Variants in SLC8A1 observed in about 807,000 individuals in gnomAD.
SLC8A1 encodes the protein sodium/calcium exchanger 1.
Under a neutral mutation model 68.3 loss-of-function variants are expected in SLC8A1, and 18 were observed. The ratio of observed to expected loss-of-function variants is 0.26; its 90% CI spans 0.18 to 0.39. SLC8A1 has a LOEUF of 0.39. Among genes scored for constraint, SLC8A1 ranks in the 10% least tolerant of loss-of-function variants. The probability of loss-of-function intolerance (pLI) is 1.00; values close to 1 mark genes in which losing one functional copy is unlikely to be tolerated. For missense variants in SLC8A1, 985 were observed against 1,156.7 expected (o/e 0.85, Z 2.15); for synonymous variants, 475 against 415.5 (o/e 1.14, Z -1.74).
At chr2:40,176,270 G>A (rs1323266021) in intron 3 of SLC8A1, among the ~76,000 whole-genome samples, 2 of 152,110 alleles carry the variant, frequency 1.3e-5, no homozygotes, top group Non-Finnish European at 2.9e-5. Context: ...TCCACTTGGC[G>A]GGTGTGAAAC....
At chr2:40,290,414 T>C (rs190899890) in intron 2 of SLC8A1, among the ~76,000 whole-genome samples, 16 of 152,260 alleles carry the variant, frequency 1.1e-4, no homozygotes, top group Non-Finnish European at 2.2e-4. Context: ...TGCACAACAA[T>C]TTATTCATCC....
At chr2:40,233,947 T>A (rs1265576657) in intron 2 of SLC8A1, among the ~76,000 whole-genome samples, 1 of 151,862 alleles carries the variant, frequency 6.6e-6, no homozygotes, top group Non-Finnish European at 1.5e-5. Flanking sequence ...TTCTGTTCCA[T>A]TGATCTATAT....
intron 7 of SLC8A1, among the ~76,000 whole-genome samples, chr2:40,124,628 C>G (rs1028710018): frequency 1.6e-4 from 25 of 152,146 alleles, no homozygotes; most frequent in African/African-American, 5.3e-4. Context: ...CCTGAAAAGT[C>G]TACTAACTAT....
intron 2 of SLC8A1, among the ~76,000 whole-genome samples, chr2:40,231,431 T>C (rs963341095): frequency 1.3e-5 from 2 of 152,162 alleles, no homozygotes; most frequent in South Asian, 2.1e-4. Context: ...TTATAGGTGA[T>C]ACTTTGGAGG....
intron 2 of SLC8A1, among the ~76,000 whole-genome samples, chr2:40,364,362 TTG>T (rs1035064911): frequency 1.7e-4 from 26 of 151,358 alleles, no homozygotes; most frequent in African/African-American, 5.6e-4. Flanking sequence ...GTGTGTGTGT[TTG>T]TGTGTGTGTG....
At chr2:40,481,962 G>A (rs555385745) in intron 1 of SLC8A1, among the ~76,000 whole-genome samples, 2 of 152,210 alleles carry the variant, frequency 1.3e-5, no homozygotes, top group South Asian at 2.1e-4. Context: ...CAAGTTTTAA[G>A]GCACATTACA....
chr2:40,337,017 G>T (rs143467928), intron 2 of SLC8A1, among the ~76,000 whole-genome samples: 5 of 152,136 alleles, frequency 3.3e-5, no homozygotes, highest in Non-Finnish European at 5.9e-5. Context: ...TGCCTAAGAA[G>T]ATATGAACCT....
At chr2:40,404,726 T>C (rs1031640986) in intron 2 of SLC8A1, among the ~76,000 whole-genome samples, 4 of 152,110 alleles carry the variant, frequency 2.6e-5, no homozygotes, top group Non-Finnish European at 5.9e-5. Flanking sequence ...TTGGCACGAG[T>C]GCGTTGCTTC....
chr2:40,181,178 TG>T (rs1465334567), intron 2 of SLC8A1, among the ~76,000 whole-genome samples: 1 of 152,188 alleles, frequency 6.6e-6, no homozygotes, highest in Admixed American at 6.5e-5. Flanking sequence ...CAGGCTGGTC[TG>T]GAACTCCTGA....
chr2:40,476,984 T>C (rs1704331383), intron 1 of SLC8A1, among the ~76,000 whole-genome samples: 1 of 152,208 alleles, frequency 6.6e-6, no homozygotes, highest in South Asian at 2.1e-4. Flanking sequence ...TAAGAGTTAT[T>C]GGATTTTCTC....
intron 2 of SLC8A1, among the ~76,000 whole-genome samples, chr2:40,351,810 T>C (rs1671194004): frequency 6.6e-6 from 1 of 152,146 alleles, no homozygotes; most frequent in Non-Finnish European, 1.5e-5. Context: ...ATGGTAGGAA[T>C]GAAAGATTCA....
At chr2:40,509,191 G>A (rs10191613) in intron 1 of SLC8A1, among the ~76,000 whole-genome samples, 43,725 of 151,952 alleles carry the variant, frequency 0.29, 6,639 homozygotes, top group Non-Finnish European at 0.35. Flanking sequence ...AATTGAAAGC[G>A]GTTCTTCATA....
chr2:40,386,813 T>A (rs964338235), intron 2 of SLC8A1, among the ~76,000 whole-genome samples: 2 of 151,090 alleles, frequency 1.3e-5, no homozygotes, highest in African/African-American at 4.9e-5. Flanking sequence ...TGTGGCTTTG[T>A]GAGTTTTGCC....
rs77189374 is a variant in SLC8A1 at position 40,347,736 on chromosome 2, T to C, written c.1808+80737A>G. Among the ~76,000 whole-genome samples the C allele has an allele frequency of 5.7e-3, 872 of 152,354 alleles. 14 individuals are homozygous for C. The highest frequency in any genetic ancestry group is 0.02 in the African/African-American group (827 of 41,592). ...AAATATTGTGTATTAATTTAGTTTATGACTCTTGAAACAAACTCCAAGTTT... is the reference window on the plus strand; with the variant it reads ...AAATATTGTGTATTAATTTAGTTTACGACTCTTGAAACAAACTCCAAGTTT... On this transcript the variant is annotated intron_variant, in intron 2 of 7. Coordinates refer to ENST00000406785, the Ensembl canonical transcript of SLC8A1.
At chr2:40,460,883 T>C (rs897419918) in intron 1 of SLC8A1, among the ~76,000 whole-genome samples, 2 of 152,054 alleles carry the variant, frequency 1.3e-5, no homozygotes, top group Non-Finnish European at 2.9e-5. Flanking sequence ...ATAAGGATTT[T>C]TCAAGAAGTA....
chr2:40,118,463 T>C (rs900354662), intron 7 of SLC8A1: 1 of 152,172 alleles, frequency 6.6e-6, no homozygotes, highest in Non-Finnish European at 1.5e-5. Flanking sequence ...TGTGCATTCA[T>C]GATCACACAT....
chr2:40,349,662 A>C (rs1559344744), intron 2 of SLC8A1, among the ~76,000 whole-genome samples: 1 of 152,210 alleles, frequency 6.6e-6, no homozygotes, highest in Admixed American at 6.6e-5. Flanking sequence ...AGAAGTGTTC[A>C]GTAAGTGAGG....
intron 1 of SLC8A1, among the ~76,000 whole-genome samples, chr2:40,493,221 C>T (rs1705439868): frequency 6.6e-6 from 1 of 151,940 alleles, no homozygotes; most frequent in Admixed American, 6.6e-5. Flanking sequence ...TGGAAATCAT[C>T]ATTCTCAGTA....
At chr2:40,492,321 G>C (rs373933538) in intron 1 of SLC8A1, among the ~76,000 whole-genome samples, 8 of 151,896 alleles carry the variant, frequency 5.3e-5, no homozygotes, top group African/African-American at 1.9e-4. Context: ...ATCCCTTCCT[G>C]ACACCTTATA....
Sources: gnomAD v4.1 joint callset for allele counts (sites outside exome capture counted in the v4.1 genomes callset) on GRCh38, gnomAD v4.1.1 for gene constraint, MANE v1.5 for transcripts, NCBI Gene and HGNC (gene_info 2026-07-23, HGNC 2026-07-21) for gene names.